GLIS1: variants seen among roughly 807,000 people sequenced by gnomAD.
The protein encoded by GLIS1 is zinc finger protein GLIS1.
A neutral mutation model predicts 63.8 loss-of-function variants in GLIS1; 24 were observed. That is an observed-to-expected ratio of 0.38 (90% CI 0.27 to 0.53). GLIS1 has a LOEUF of 0.53. GLIS1 is among the 20% of genes least tolerant of loss of function. GLIS1 has a pLI of 0.85. For synonymous variants in GLIS1, 450 were observed against 482.5 expected (o/e 0.93, Z 0.88); for missense variants, 1,036 against 1,074.1 (o/e 0.96, Z 0.50).
At chr1:53,554,408 G>C (rs760599535) in intron 4 of GLIS1, among the ~76,000 whole-genome samples, 1 of 152,130 alleles carries the variant, frequency 6.6e-6, no homozygotes, top group Non-Finnish European at 1.5e-5. Context: ...TGGTAACTGA[G>C]GTCATGGCAG....
At chr1:53,697,937 G>A (rs186665418) in intron 2 of GLIS1, among the ~76,000 whole-genome samples, 8 of 152,266 alleles carry the variant, frequency 5.3e-5, no homozygotes, top group East Asian at 1.9e-4. Context: ...ATACAAGGAC[G>A]TGTATTGGGA....
chr1:53,533,303 G>C (rs1644549627), intron 4 of GLIS1, among the ~76,000 whole-genome samples: 1 of 152,328 alleles, frequency 6.6e-6, no homozygotes, highest in East Asian at 1.9e-4. Flanking sequence ...TTCCTTGAGA[G>C]CAGGGCTGGC....
At chr1:53,522,982 C>T (rs1188566772) in intron 6 of GLIS1, among the ~76,000 whole-genome samples, 1 of 22,082 alleles carries the variant, frequency 4.5e-5, no homozygotes, top group Non-Finnish European at 7.3e-5. Flanking sequence ...CTTTTCTTTT[C>T]TTTCTTTTTT....
intron 6 of GLIS1, among the ~76,000 whole-genome samples, chr1:53,522,858 G>A (rs1447611211): frequency 6.6e-6 from 1 of 152,136 alleles, no homozygotes; most frequent in Non-Finnish European, 1.5e-5. Context: ...AGGCTGCCAT[G>A]AGCCATGATC....
chr1:53,608,818 T>A (rs998963867), intron 2 of GLIS1, among the ~76,000 whole-genome samples: 3 of 152,168 alleles, frequency 2.0e-5, no homozygotes, highest in Non-Finnish European at 4.4e-5. Context: ...AGTGCCACAG[T>A]GAATGGCTCA....
chr1:53,641,497 G>A (rs115764398), intron 2 of GLIS1, among the ~76,000 whole-genome samples: 130 of 152,248 alleles, frequency 8.5e-4, no homozygotes, highest in African/African-American at 3.0e-3. Flanking sequence ...TGCAAGTTCT[G>A]GCTATATCAC....
At chr1:53,614,910 TCA>T (rs71814487) in intron 2 of GLIS1, among the ~76,000 whole-genome samples, 8,709 of 151,602 alleles carry the variant, frequency 0.057, 726 homozygotes, top group African/African-American at 0.18. Flanking sequence ...GTGCACACAC[TCA>T]CACACACTCT....
At chr1:53,548,056 T>G (rs1204531620) in intron 4 of GLIS1, among the ~76,000 whole-genome samples, 2 of 152,262 alleles carry the variant, frequency 1.3e-5, no homozygotes. Context: ...GCCTCCCTGC[T>G]GGCCGCATCC....
intron 2 of GLIS1, among the ~76,000 whole-genome samples, chr1:53,697,386 T>C (rs539638202): frequency 1.4e-4 from 21 of 152,312 alleles, no homozygotes; most frequent in African/African-American, 4.8e-4. Flanking sequence ...GCACATGCAG[T>C]TCCTCCCCAC....
intron 2 of GLIS1, among the ~76,000 whole-genome samples, chr1:53,718,859 T>A (rs759494362): frequency 3.3e-5 from 5 of 152,166 alleles, no homozygotes; most frequent in Non-Finnish European, 7.4e-5. Context: ...AAGTCTGACT[T>A]TTCTGTATAA....
At position 53,529,687 on chromosome 1, in the gene GLIS1, A is replaced by C. The variant is rs1048622331; in HGVS notation, c.1482+104T>G. 5 of 1,220,626 alleles carry C rather than the reference A, an allele frequency of 4.1e-6. No individual in the cohort carries two copies. In the South Asian group the frequency reaches 5.7e-5, roughly 14 times the overall value. 75.6% of individuals were successfully genotyped at this position (1,220,626 alleles called of 1,614,324 possible). ...GCCCTGCCAAGCATCTCCTGCCCCAAACATCGGTGGGGCTACAGGGTAAGG... is the reference window on the plus strand; with the variant it reads ...GCCCTGCCAAGCATCTCCTGCCCCACACATCGGTGGGGCTACAGGGTAAGG... On this transcript the variant is annotated intron_variant, in intron 5 of 10. Coordinates refer to ENST00000628545, the MANE Select transcript of GLIS1 (RefSeq NM_001367484.1).
chr1:53,510,968 T>C (rs1402274273), intron 8 of GLIS1, among the ~76,000 whole-genome samples: 1 of 152,098 alleles, frequency 6.6e-6, no homozygotes, highest in Non-Finnish European at 1.5e-5. Context: ...GCAGCACAGG[T>C]GCCCTGAGCC....
chr1:53,680,808 T>A (rs559514663), intron 2 of GLIS1, among the ~76,000 whole-genome samples: 2 of 152,182 alleles, frequency 1.3e-5, no homozygotes, highest in Admixed American at 6.5e-5. Flanking sequence ...GCAGCAGGAA[T>A]AAAATATCAG....
intron 2 of GLIS1, among the ~76,000 whole-genome samples, chr1:53,602,993 T>C (rs915665874): frequency 2.6e-5 from 4 of 152,194 alleles, no homozygotes; most frequent in African/African-American, 9.7e-5. Flanking sequence ...AGGCTCAGAA[T>C]GGTCAAAGCA....
intron 3 of GLIS1, among the ~76,000 whole-genome samples, chr1:53,595,626 T>G (rs573761567): frequency 1.3e-5 from 2 of 152,296 alleles, no homozygotes; most frequent in East Asian, 3.9e-4. Flanking sequence ...GGCCTTCTAG[T>G]GAGTTCTCCA....
intron 2 of GLIS1, among the ~76,000 whole-genome samples, chr1:53,684,395 G>C (rs1235051804): frequency 6.6e-6 from 1 of 152,164 alleles, no homozygotes; most frequent in Non-Finnish European, 1.5e-5. Flanking sequence ...GGGTCTCCCT[G>C]CTCCCTCTGA....
intron 5 of GLIS1, among the ~76,000 whole-genome samples, chr1:53,525,458 T>TGGGGGCG (rs1644456497): frequency 1.0e-4 from 1 of 9,620 alleles, no homozygotes; most frequent in Non-Finnish European, 2.0e-4. Flanking sequence ...AACACAGGGC[T>TGGGGGCG]GGGGAGGCTG....
intron 2 of GLIS1, among the ~76,000 whole-genome samples, chr1:53,713,464 C>T (rs3006888): frequency 2.2e-5 from 3 of 134,424 alleles, no homozygotes; most frequent in Middle Eastern, 4.5e-3. Context: ...TGGTGAGACC[C>T]CATCTTTTCA....
rs764162891 is a variant in GLIS1 at position 53,594,544 on chromosome 1, G to C, written c.884C>G (p.Ala295Gly). The C allele has an allele frequency of 6.2e-7, 1 of 1,604,988 alleles. No individual in the cohort carries two copies. Among genetic ancestry groups the C allele is most frequent in the Non-Finnish European group, 8.5e-7 (1 of 1,173,504 alleles). The part of the protein sequence containing the change: ...TGDLGGPSKR[A>G]RPGPASTDSH... ...GTCCGTCGATGCAGGGCCAGGCCGG[G>C]CCCGCTTGGAAGGGCCCCCCAGATC... Residue 295 changes from alanine (A) to glycine (G), a missense_variant, in exon 4 of 11, where the codon GCC (alanine) becomes GGC (glycine). Physicochemically the swap from Ala to Gly is moderately conservative, Grantham distance 60. Coordinates refer to ENST00000628545, the MANE Select transcript of GLIS1 (RefSeq NM_001367484.1).
Sources: allele counts gnomAD v4.1 joint callset (sites outside exome capture counted in the v4.1 genomes callset), GRCh38; gene constraint gnomAD v4.1.1; transcripts MANE v1.5; gene names NCBI Gene and HGNC (gene_info 2026-07-23, HGNC 2026-07-21).